The following LRMDA variants were observed in gnomAD, a reference collection of about 807,000 sequenced individuals.
LRMDA encodes the protein leucine rich melanocyte differentiation associated, also known as leucine-rich melanocyte differentiation-associated protein.
Under a neutral mutation model 29.8 loss-of-function variants are expected in LRMDA, and 18 were observed. The observed-to-expected ratio is 0.60, with a 90% CI of 0.42 to 0.90. LRMDA has a LOEUF of 0.90. LRMDA is among the 40% of genes least tolerant of loss of function. The pLI is 0.00. For synonymous variants in LRMDA, 125 were observed against 109.4 expected, an observed-to-expected ratio of 1.14 and a Z score of -0.89; for missense variants, 273 against 273.9, an observed-to-expected ratio of 1.00 and a Z score of 0.02.
rs567785820 is a variant in LRMDA, at chr10:76,130,547, CTG to C, written c.516+71768_516+71769del. Among the ~76,000 whole-genome samples, 6 of 152,282 alleles carry C rather than the reference CTG, an allele frequency of 3.9e-5. No individual in the cohort carries two copies. The South Asian group carries it at 1.0e-3, about 26-fold the overall frequency. On this transcript the variant is annotated intron_variant, in intron 5 of 6. Transcript: ENST00000611255. ...TGTTGTTCTGTGAAACTAGACCAGA[CTG>C]TGTTTTGGCTTGTGTGAGAAGGGAA... is the stretch of plus-strand genomic sequence containing the variant.
intron 2 of LRMDA, among the ~76,000 whole-genome samples, chr10:75,980,612 A>G (rs966323443): frequency 6.6e-6 from 1 of 152,002 alleles, no homozygotes; most frequent in African/African-American, 2.4e-5. Context: ...GAGCAGCATG[A>G]TGCAGGGATT....
chr10:75,510,951 A>G (rs181093116), intron 2 of LRMDA, among the ~76,000 whole-genome samples: 81 of 152,328 alleles, frequency 5.3e-4, no homozygotes, highest in Admixed American at 4.6e-3. Context: ...AAAACAAGGC[A>G]GTTGACATGG....
chr10:76,365,237 G>A (rs1317319720), intron 6 of LRMDA, among the ~76,000 whole-genome samples: 3 of 151,544 alleles, frequency 2.0e-5, no homozygotes, highest in Non-Finnish European at 4.4e-5. Context: ...TTCAAATAAT[G>A]ACTTCTTTTC....
intron 6 of LRMDA, among the ~76,000 whole-genome samples, chr10:76,518,009 C>T (rs930626436): frequency 3.3e-5 from 5 of 149,782 alleles, no homozygotes; most frequent in African/African-American, 1.2e-4. Flanking sequence ...ATACAAATTC[C>T]GAAGTAATAT....
chr10:75,955,097 A>AT (rs1222001253), intron 2 of LRMDA, among the ~76,000 whole-genome samples: 7 of 152,212 alleles, frequency 4.6e-5, no homozygotes, highest in Non-Finnish European at 8.8e-5. Context: ...GGCACATTAG[A>AT]TTCATATAAT....
intron 5 of LRMDA, among the ~76,000 whole-genome samples, chr10:76,151,986 T>A (rs1489600525): frequency 6.6e-6 from 1 of 152,238 alleles, no homozygotes; most frequent in Non-Finnish European, 1.5e-5. Flanking sequence ...ATTACTAGTT[T>A]ACCCACATAA....
rs182498086 is a variant in LRMDA, at chr10:76,252,497, A to C, written c.517-71904A>C. Among the ~76,000 whole-genome samples the C allele has an allele frequency of 6.8e-4, 104 of 152,310 alleles. 1 individual carries two copies. The highest frequency in any genetic ancestry group is 2.5e-3 in the African/African-American group (103 of 41,578). The stretch of plus-strand genomic sequence containing the variant: ...AGCCCAGCTAAACAAAACACCACAC[A>C]GAGGGGAGGACTGGCCAAGAGCAGA... On this transcript the variant is annotated intron_variant, in intron 5 of 6. Coordinates refer to ENST00000611255, the MANE Select transcript of LRMDA (RefSeq NM_001305581.2).
At position 75,704,592 on chromosome 10, in the gene LRMDA, T is replaced by A. The variant is rs561790973; in HGVS notation, c.131+266098T>A. ...CTCAGTTTAGGAAGCTAGTTCTTTT[T>A]CAGAGTTAGTGATAGAGTCTTGGTC... On this transcript the variant is annotated intron_variant, in intron 2 of 6. Transcript: ENST00000611255. Among the ~76,000 whole-genome samples, 3 of 152,330 alleles carry A rather than the reference T, an allele frequency of 2.0e-5. No individual in the cohort carries two copies. In the South Asian group the frequency reaches 6.2e-4, roughly 32 times the overall value.
At chr10:75,815,826 A>T (rs945249990) in intron 2 of LRMDA, among the ~76,000 whole-genome samples, 2 of 152,224 alleles carry the variant, frequency 1.3e-5, no homozygotes, top group African/African-American at 2.4e-5. Context: ...TGTGTGCTTC[A>T]AGTATTTTTA....
intron 6 of LRMDA, among the ~76,000 whole-genome samples, chr10:76,457,220 C>T (rs2132304859): frequency 6.6e-6 from 1 of 152,302 alleles, no homozygotes; most frequent in South Asian, 2.1e-4. Flanking sequence ...ATTTTCTTTT[C>T]TCCGCGTCAG....
rs1589236941 is a variant in LRMDA, at chr10:76,557,913, T to TAAC, written c.*626_*628dup. The TAAC allele has an allele frequency of 6.6e-6, 1 of 152,298 alleles. No individual in the cohort carries two copies. The allele number at this position is 152,298 out of a possible 1,614,324, so 9.4% of individuals were successfully genotyped here. ...TTGCAGTTTTTCGGAGAACAAGGTA[T>TAAC]AACTTCCCAGCCAGGTCATACATTT... On this transcript the variant is annotated 3_prime_UTR_variant, in exon 7 of 7. Coordinates refer to ENST00000611255, the MANE Select transcript of LRMDA (RefSeq NM_001305581.2).
At chr10:76,160,055 C>A (rs60504683) in intron 5 of LRMDA, among the ~76,000 whole-genome samples, 3,726 of 152,078 alleles carry the variant, frequency 0.025, 149 homozygotes, top group African/African-American at 0.082. Flanking sequence ...GATGTAGGTT[C>A]ATCAGTGTAA....
At chr10:75,981,470 G>T (rs1362578896) in intron 2 of LRMDA, among the ~76,000 whole-genome samples, 1 of 152,114 alleles carries the variant, frequency 6.6e-6, no homozygotes, top group East Asian at 1.9e-4. Context: ...CATATAACAG[G>T]GTGGGTTTTC....
intron 5 of LRMDA, among the ~76,000 whole-genome samples, chr10:76,090,602 A>G (rs1001262255): frequency 5.3e-5 from 8 of 152,212 alleles, no homozygotes; most frequent in African/African-American, 1.9e-4. Flanking sequence ...AGCATTATTC[A>G]CAATAGCCAA....
chr10:76,009,593 A>G (rs1847737650), intron 2 of LRMDA, among the ~76,000 whole-genome samples: 2 of 152,084 alleles, frequency 1.3e-5, no homozygotes, highest in South Asian at 2.1e-4. Flanking sequence ...TCTCTGCGTT[A>G]CCTTCCAAAC....
At chr10:75,486,951 C>T (rs1007313951) in intron 2 of LRMDA, among the ~76,000 whole-genome samples, 2 of 152,192 alleles carry the variant, frequency 1.3e-5, no homozygotes, top group Non-Finnish European at 2.9e-5. Flanking sequence ...GCACGCACCT[C>T]AGTTTGATAG....
intron 6 of LRMDA, among the ~76,000 whole-genome samples, chr10:76,344,124 G>A (rs1841074507): frequency 6.6e-6 from 1 of 151,960 alleles, no homozygotes; most frequent in Admixed American, 6.6e-5. Flanking sequence ...ACCTGGCCAG[G>A]TGATTTTTGC....
intron 2 of LRMDA, among the ~76,000 whole-genome samples, chr10:75,691,143 T>TGTATAC (rs1842147389): frequency 2.0e-5 from 2 of 101,456 alleles, no homozygotes; most frequent in Non-Finnish European, 1.8e-5. Flanking sequence ...TATAGATCTA[T>TGTATAC]ATATCTATAT....
chr10:75,886,811 C>G (rs1271431527), intron 2 of LRMDA, among the ~76,000 whole-genome samples: 1 of 152,116 alleles, frequency 6.6e-6, no homozygotes, highest in Non-Finnish European at 1.5e-5. Context: ...TTTTTCAGAG[C>G]CAGTTAAGGC....
Sources: allele counts gnomAD v4.1 joint callset (sites outside exome capture counted in the v4.1 genomes callset), GRCh38; gene constraint gnomAD v4.1.1; transcripts MANE v1.5; gene names NCBI Gene and HGNC (gene_info 2026-07-23, HGNC 2026-07-21).